The following NELL1 variants were observed in gnomAD, a reference collection of about 807,000 sequenced individuals.
The protein encoded by NELL1 is neural EGFL like 1.
In NELL1, 76 loss-of-function variants were observed where a neutral mutation model predicts 107.4. The observed-to-expected ratio is 0.71, with a 90% CI of 0.59 to 0.86. NELL1 has a LOEUF of 0.86. Ranked by LOEUF, NELL1 falls within the 40% of genes least tolerant of loss-of-function variation. The pLI is 0.00. For synonymous variants in NELL1, 353 were observed against 341.2 expected (o/e 1.03, Z -0.38); for missense variants, 1,024 against 1,005.5 (o/e 1.02, Z -0.25).
At chr11:20,952,731 T>C (rs574620293) in intron 11 of NELL1, among the ~76,000 whole-genome samples, 18 of 152,304 alleles carry the variant, frequency 1.2e-4, no homozygotes, top group African/African-American at 4.1e-4. Flanking sequence ...AATGAATTCA[T>C]GGTCCTAAAC....
intron 7 of NELL1, among the ~76,000 whole-genome samples, chr11:20,922,117 A>T (rs1469034005): frequency 2.0e-5 from 3 of 152,012 alleles, no homozygotes; most frequent in Non-Finnish European, 4.4e-5. Flanking sequence ...ATGTTAGGCC[A>T]AATCTTTATA....
intron 15 of NELL1, among the ~76,000 whole-genome samples, chr11:21,418,801 G>T (rs1164090512): frequency 6.6e-6 from 1 of 152,078 alleles, no homozygotes; most frequent in Non-Finnish European, 1.5e-5. Flanking sequence ...AAAAATCTGT[G>T]CCTTGAAGAT....
chr11:20,921,794 G>A (rs954414566), intron 7 of NELL1, among the ~76,000 whole-genome samples: 6 of 49,216 alleles, frequency 1.2e-4, no homozygotes, highest in Non-Finnish European at 2.8e-4. Flanking sequence ...TTTTTATTGT[G>A]TGTGTTTTTT....
intron 16 of NELL1, among the ~76,000 whole-genome samples, chr11:21,556,959 G>GGTAA (rs112463250): frequency 6.6e-6 from 1 of 151,822 alleles, no homozygotes; most frequent in African/African-American, 2.4e-5. Context: ...TGATGATTTG[G>GGTAA]GTAAGTCTCA....
At chr11:21,065,080 T>C (rs1853836038) in intron 12 of NELL1, among the ~76,000 whole-genome samples, 1 of 152,160 alleles carries the variant, frequency 6.6e-6, no homozygotes, top group Non-Finnish European at 1.5e-5. Flanking sequence ...GTCATCTTCT[T>C]TTTGCATTTT....
At chr11:21,145,142 TATC>T (rs1855949824) in intron 13 of NELL1, among the ~76,000 whole-genome samples, 4 of 152,170 alleles carry the variant, frequency 2.6e-5, no homozygotes, top group Non-Finnish European at 5.9e-5. Flanking sequence ...TTACTACTAT[TATC>T]ATTTCTTGTG....
chr11:21,063,904 A>C (rs553664266), intron 12 of NELL1, among the ~76,000 whole-genome samples: 97 of 152,332 alleles, frequency 6.4e-4, no homozygotes, highest in African/African-American at 2.3e-3. Flanking sequence ...AATAAAACAG[A>C]TTGTCAGTGT....
intron 1 of NELL1, among the ~76,000 whole-genome samples, chr11:20,674,771 G>A (rs895070392): frequency 2.0e-5 from 3 of 152,202 alleles, no homozygotes; most frequent in Non-Finnish European, 4.4e-5. Context: ...TACCATTGGG[G>A]TGTTCTGCTA....
At chr11:21,510,543 C>T (rs918661521) in intron 15 of NELL1, among the ~76,000 whole-genome samples, 20 of 152,146 alleles carry the variant, frequency 1.3e-4, no homozygotes, top group African/African-American at 4.3e-4. Flanking sequence ...TGTGGGGGAA[C>T]AAATGGTAAT....
rs553457512 is a variant in NELL1, at chr11:21,271,520, G to A, written c.1549+42066G>A. On this transcript the variant is annotated intron_variant, in intron 14 of 19. Transcript: ENST00000357134. ...CAAACAGAAGCACCAGGCCCAGATG[G>A]GTTCACTGGTGAATTCTACCAAACA... 5.3e-5 allele frequency among the ~76,000 whole-genome samples: 8 copies of A among 152,210 alleles called. No individual in the cohort carries two copies. The South Asian group carries it at 1.5e-3, about 28-fold the overall frequency.
intron 12 of NELL1, among the ~76,000 whole-genome samples, chr11:21,034,608 A>G (rs905051704): frequency 2.0e-5 from 3 of 152,202 alleles, no homozygotes; most frequent in African/African-American, 7.2e-5. Flanking sequence ...TCAAAACCAT[A>G]CAGTTACATG....
chr11:21,563,765 C>A (rs1856905014), intron 17 of NELL1, among the ~76,000 whole-genome samples: 1 of 151,872 alleles, frequency 6.6e-6, no homozygotes, highest in African/African-American at 2.4e-5. Context: ...TGAGGGACGA[C>A]TGAATGCTCT....
At chr11:20,857,428 G>A (rs1175784042) in intron 4 of NELL1, among the ~76,000 whole-genome samples, 5 of 152,112 alleles carry the variant, frequency 3.3e-5, no homozygotes, top group African/African-American at 1.2e-4. Flanking sequence ...AAGGTGAGTG[G>A]TTCTTCAGCC....
chr11:20,746,378 C>A (rs1321525569), intron 2 of NELL1, among the ~76,000 whole-genome samples: 2 of 152,130 alleles, frequency 1.3e-5, no homozygotes, highest in African/African-American at 4.8e-5. Flanking sequence ...ATCCTTCTCC[C>A]CACTTACTAG....
At chr11:21,466,068 C>T (rs1854022188) in intron 15 of NELL1, among the ~76,000 whole-genome samples, 1 of 152,088 alleles carries the variant, frequency 6.6e-6, no homozygotes, top group Non-Finnish European at 1.5e-5. Context: ...CATGAAGGAA[C>T]TGAAACCTAG....
intron 14 of NELL1, among the ~76,000 whole-genome samples, chr11:21,335,080 A>G (rs535703861): frequency 2.0e-5 from 3 of 152,088 alleles, no homozygotes; most frequent in African/African-American, 7.2e-5. Flanking sequence ...TCAATTAAGG[A>G]AAAAAAGACC....
At chr11:20,854,317 C>T (rs1486383682) in intron 4 of NELL1, among the ~76,000 whole-genome samples, 1 of 152,182 alleles carries the variant, frequency 6.6e-6, no homozygotes, top group Non-Finnish European at 1.5e-5. Context: ...GACTAGATGA[C>T]TTTTAAGTCT....
chr11:21,564,577 G>A (rs10766832), intron 17 of NELL1, among the ~76,000 whole-genome samples: 134,716 of 151,832 alleles, frequency 0.89, 60,099 homozygotes, highest in Non-Finnish European at 0.94. Context: ...GGAAGAGAGC[G>A]AACTATGAAG....
intron 12 of NELL1, among the ~76,000 whole-genome samples, chr11:21,056,161 G>A (rs1418456914): frequency 6.6e-6 from 1 of 152,198 alleles, no homozygotes; most frequent in Non-Finnish European, 1.5e-5. Flanking sequence ...TAGGGATAGA[G>A]TCAGACTGAA....
Sources: allele counts gnomAD v4.1 joint callset (sites outside exome capture counted in the v4.1 genomes callset), GRCh38; gene constraint gnomAD v4.1.1; transcripts MANE v1.5; gene names NCBI Gene and HGNC (gene_info 2026-07-23, HGNC 2026-07-21).